The following GUCY2C variants were observed in gnomAD, a reference collection of about 807,000 sequenced individuals.
GUCY2C encodes guanylyl cyclase C.
Under a neutral mutation model 131.1 loss-of-function variants are expected in GUCY2C, and 118 were observed. That is an observed-to-expected ratio of 0.90 (90% CI 0.78 to 1.05). The LOEUF (loss-of-function observed/expected upper bound fraction) is 1.05. Among genes scored for constraint, GUCY2C ranks in the 50% least tolerant of loss-of-function variants. The pLI, the probability that GUCY2C is intolerant of heterozygous loss-of-function variation, is 0.00. For missense variants in GUCY2C, 1,161 were observed against 1,304.4 expected, an observed-to-expected ratio of 0.89 and a Z score of 1.69; for synonymous variants, 452 against 457.8, an observed-to-expected ratio of 0.99 and a Z score of 0.16.
Position 14,613,091 on chromosome 12 carries a change from T to G in GUCY2C, c.*26A>C. ...CTCAGTGCAGCTGTATTTTAATTTG[T>G]GTGAGTCCTTATACCTCATTTAGGT... On this transcript the variant is annotated 3_prime_UTR_variant, in exon 27 of 27. Coordinates refer to ENST00000261170, the MANE Select transcript of GUCY2C (RefSeq NM_004963.4). This position sits in a 1 kb window ranked among gnomAD's most constrained non-coding sequence, Gnocchi z 4.9. The G allele has an allele frequency of 1.3e-6, 2 of 1,589,022 alleles. No homozygotes were observed. Among genetic ancestry groups the G allele is most frequent in the Middle Eastern group, 3.3e-4 (2 of 5,988 alleles).
chr12:14,613,209 T>C lies in GUCY2C; in HGVS notation c.3130A>G (p.Ser1044Gly). The change falls in exon 27 of 27, where the codon AGC (serine) becomes GGC (glycine). Residue 1044 changes from serine (S) to glycine (G), a missense_variant. Coordinates refer to ENST00000261170, the MANE Select transcript of GUCY2C (RefSeq NM_004963.4). This position sits in a 1 kb window ranked among gnomAD's most constrained non-coding sequence, Gnocchi z 4.9. The stretch of plus-strand genomic sequence containing the variant: ...CTGGCTACCCGTCTGGGTTTTTGGC[T>C]TCTTATCCCTGCTGCCTGTCTTTTC... ...LQKRQAAGIR[S>G]QKPRRVASYK... is the part of the protein sequence containing the mutation. The C allele has an allele frequency of 1.2e-6, 2 of 1,613,590 alleles. No individual in the cohort carries two copies. Among genetic ancestry groups the C allele is most frequent in the Non-Finnish European group, 1.7e-6 (2 of 1,179,576 alleles).
chr12:14,681,583 T>G (rs1189558565), intron 4 of GUCY2C, 106 bp from the exon 5 acceptor site: 27 of 907,224 alleles, frequency 3.0e-5, no homozygotes, highest in Non-Finnish European at 4.6e-5. Flanking sequence ...CATCTAAAAT[T>G]CATTTCTGCT....
chr12:14,688,219 C>G (rs549010271), intron 1 of GUCY2C, among the ~76,000 whole-genome samples, 156 bp from the exon 2 acceptor site: 26 of 152,086 alleles, frequency 1.7e-4, no homozygotes, highest in African/African-American at 6.0e-4. Context: ...TCACTTTTTT[C>G]CTCTGTGTGT....
intron 12 of GUCY2C, among the ~76,000 whole-genome samples, chr12:14,654,995 C>G: frequency 6.6e-6 from 1 of 152,176 alleles, no homozygotes; most frequent in Non-Finnish European, 1.5e-5. Flanking sequence ...TTCAGCCAAT[C>G]ACAGGAAGCT....
chr12:14,624,393 C>T lies in GUCY2C; in HGVS notation c.2408+1364G>A, dbSNP rs533834704. ...GAGGCAGAGGTTGCAGTGAGCTGAG[C>T]TCATGTCGTTGCACTCCAGCCTGGG... On this transcript the variant is annotated intron_variant, in intron 21 of 26. Coordinates refer to ENST00000261170, the MANE Select transcript of GUCY2C (RefSeq NM_004963.4). Among the ~76,000 whole-genome samples the T allele has an allele frequency of 4.0e-4, 61 of 152,116 alleles. 1 individual carries two copies. Among genetic ancestry groups the T allele is most frequent in the African/African-American group, 1.4e-3 (60 of 41,496 alleles).
intron 20 of GUCY2C, among the ~76,000 whole-genome samples, chr12:14,627,463 T>G (rs568617162): frequency 6.6e-6 from 1 of 152,224 alleles, no homozygotes. Flanking sequence ...AGAGATGAAG[T>G]TGGATAATCT....
At chr12:14,644,395 C>A (rs921876458) in intron 16 of GUCY2C, among the ~76,000 whole-genome samples, 5 of 152,130 alleles carry the variant, frequency 3.3e-5, no homozygotes, top group Non-Finnish European at 7.4e-5. Flanking sequence ...AAAGAGGAAG[C>A]CTGTTTTTGG....
chr12:14,695,144 G>C (rs373995164), intron 1 of GUCY2C, among the ~76,000 whole-genome samples: 60 of 152,188 alleles, frequency 3.9e-4, no homozygotes, highest in African/African-American at 1.4e-3. Context: ...TGAACCAGAA[G>C]GATCCAAAAC....
At chr12:14,674,359 T>C in intron 8 of GUCY2C, 1 of 480,590 alleles carries the variant, frequency 2.1e-6, no homozygotes, top group Non-Finnish European at 3.8e-6. Flanking sequence ...AAATGCCTTA[T>C]GATGAGCTTG....
At chr12:14,661,919 G>A (rs1361582064) in intron 10 of GUCY2C, among the ~76,000 whole-genome samples, 1 of 152,160 alleles carries the variant, frequency 6.6e-6, no homozygotes, top group Non-Finnish European at 1.5e-5. Flanking sequence ...GATGGAGTAA[G>A]TGGAAAGACT....
At chr12:14,614,985 T>A in intron 25 of GUCY2C, 42 bp from the exon 26 acceptor site, 1 of 1,086,294 alleles carries the variant, frequency 9.2e-7, no homozygotes, top group East Asian at 2.6e-5. Flanking sequence ...GTCCAAGGAG[T>A]CAGTTCAGTT....
intron 8 of GUCY2C, chr12:14,674,393 A>T: frequency 1.8e-6 from 1 of 565,532 alleles, no homozygotes; most frequent in Non-Finnish European, 3.2e-6. Context: ...AACCTGCGCT[A>T]CCTGCCCTTT....
chr12:14,689,158 C>T (rs897172212), intron 1 of GUCY2C, among the ~76,000 whole-genome samples: 1 of 152,076 alleles, frequency 6.6e-6, no homozygotes, highest in Non-Finnish European at 1.5e-5. Flanking sequence ...GATTGGACTA[C>T]AGTAGTTGGA....
chr12:14,645,308 A>T lies in GUCY2C; in HGVS notation c.1718T>A (p.Leu573Ter). 1 of 1,549,570 alleles carries T rather than the reference A, an allele frequency of 6.5e-7. No individual in the cohort carries two copies. Residue 573 changes from leucine to a stop codon, truncating the protein, a stop_gained, in exon 16 of 27, where the codon TTA becomes TAA. Transcript: ENST00000261170. LOFTEE classifies it high-confidence loss of function. ...ATCAGGGTAGGAAATTGTGTCATTT[A>T]AAACTTCCTGAATAGGAAAAAAGAA... ...YCERGSLREV[L>*]NDTISYPDGT...
intron 3 of GUCY2C, among the ~76,000 whole-genome samples, chr12:14,685,596 G>C (rs1217726159): frequency 6.6e-6 from 1 of 152,042 alleles, no homozygotes; most frequent in Non-Finnish European, 1.5e-5. Context: ...GAAGAGATGA[G>C]GGTGATTTTC....
chr12:14,687,755 A>G (rs1438035337), intron 2 of GUCY2C, among the ~76,000 whole-genome samples, 196 bp downstream of exon 2: 1 of 152,182 alleles, frequency 6.6e-6, no homozygotes, highest in African/African-American at 2.4e-5. Context: ...ACTTTTCTGG[A>G]TTCATGGAGG....
At position 14,696,595 on chromosome 12, in the gene GUCY2C, T is replaced by A; in HGVS notation, c.-147A>T. 1 of 630,624 alleles carries A rather than the reference T, an allele frequency of 1.6e-6. No individual in the cohort carries two copies. The highest frequency in any genetic ancestry group is 2.8e-6 in the Non-Finnish European group (1 of 355,086). 39.1% of individuals were successfully genotyped at this position (630,624 alleles called of 1,614,324 possible). A position where few individuals can be genotyped will look rare whatever the true frequency, so the allele number is the denominator to read the frequency against. On this transcript the variant is annotated 5_prime_UTR_variant, in exon 1 of 27. Transcript: ENST00000261170. The stretch of plus-strand genomic sequence containing the variant: ...ACGCTTCTCTCTGGTCATGCCCAAC[T>A]GGTCACATGGGCCGTGGAACACAGC...
chr12:14,617,280 T>C (rs1946785919), intron 24 of GUCY2C, among the ~76,000 whole-genome samples: 1 of 152,164 alleles, frequency 6.6e-6, no homozygotes, highest in Non-Finnish European at 1.5e-5. Context: ...TTTATAGCAA[T>C]GCAAGAATGC....
rs187443439 is a variant in GUCY2C, at chr12:14,664,609, T to G, written c.1283-3547A>C. On this transcript the variant is annotated intron_variant, in intron 10 of 26. Transcript: ENST00000261170. ...AAGTTCTAAATTCCAAGGTTAAGCTTCTGCTGCCTTCTGGTGGCTGCTGTA... is the reference window on the plus strand; with the variant it reads ...AAGTTCTAAATTCCAAGGTTAAGCTGCTGCTGCCTTCTGGTGGCTGCTGTA... Among the ~76,000 whole-genome samples the G allele has an allele frequency of 3.3e-3, 510 of 152,304 alleles. 3 individuals carry two copies. The highest frequency in any genetic ancestry group is 0.012 in the African/African-American group (498 of 41,560).
Sources: allele counts gnomAD v4.1 joint callset (sites outside exome capture counted in the v4.1 genomes callset), GRCh38; gene constraint gnomAD v4.1.1; non-coding constraint Gnocchi (gnomAD v3.1); transcripts MANE v1.5; gene names NCBI Gene and HGNC (gene_info 2026-07-23, HGNC 2026-07-21).